Variants in MASTL observed in about 807,000 individuals in gnomAD.
The protein encoded by MASTL is microtubule associated serine/threonine kinase like.
Under a neutral mutation model 82.5 loss-of-function variants are expected in MASTL, and 54 were observed. The ratio of observed to expected loss-of-function variants is 0.65; its 90% CI spans 0.53 to 0.82. The LOEUF is 0.82. MASTL is among the 40% of genes least tolerant of loss of function. MASTL has a pLI of 0.00. For missense variants in MASTL, 950 were observed against 1,047.8 expected, an observed-to-expected ratio of 0.91 and a Z score of 1.29; for synonymous variants, 323 against 368.9, an observed-to-expected ratio of 0.88 and a Z score of 1.43.
chr10:27,157,631 T>TTTTA (rs913262620), intron 1 of MASTL, among the ~76,000 whole-genome samples: 13 of 152,170 alleles, frequency 8.5e-5, no homozygotes, highest in Admixed American at 6.5e-5. Flanking sequence ...CCAACTTTAT[T>TTTTA]TTTATTTATT....
chr10:27,167,938 C>T (rs920736162), intron 7 of MASTL, among the ~76,000 whole-genome samples: 77 of 152,232 alleles, frequency 5.1e-4, no homozygotes, highest in African/African-American at 1.8e-3. Context: ...ACTTAACTTA[C>T]ATATTGTTTT....
intron 6 of MASTL, among the ~76,000 whole-genome samples, chr10:27,166,796 A>G (rs1366013580): frequency 6.6e-6 from 1 of 152,038 alleles, no homozygotes; most frequent in Non-Finnish European, 1.5e-5. Flanking sequence ...CCTTGTTCTT[A>G]TTCTTTACTG....
intron 4 of MASTL, among the ~76,000 whole-genome samples, chr10:27,162,850 C>A (rs185592838): frequency 6.2e-4 from 94 of 152,188 alleles, no homozygotes; most frequent in Non-Finnish European, 1.2e-3. Flanking sequence ...GTTATGAATA[C>A]CTAAAACTTT....
At position 27,171,019 on chromosome 10, in the gene MASTL, A is replaced by G. The variant is rs41282224; in HGVS notation, c.2060A>G (p.Tyr687Cys). The change falls in exon 8 of 12, where the codon TAC becomes TGC. Residue 687 changes from tyrosine to cysteine, a missense_variant. Physicochemically the swap from Tyr to Cys is radical, Grantham distance 194. Transcript: ENST00000375940. ...GATGCAATGGATATTTCGTGTGCCTACAGTGGTTCATATCCCATGGCTATA... is the reference window on the plus strand; with the variant it reads ...GATGCAATGGATATTTCGTGTGCCTGCAGTGGTTCATATCCCATGGCTATA... ...SLDAMDISCA[Y>C]SGSYPMAITP... 1,444 of 1,614,138 alleles carry G rather than the reference A, an allele frequency of 8.9e-4. 2 individuals are homozygous for G. The highest frequency in any genetic ancestry group is 1.5e-3 in the Middle Eastern group (9 of 6,062).
chr10:27,184,304 T>C (rs1185927674), intron 11 of MASTL, among the ~76,000 whole-genome samples: 2 of 152,168 alleles, frequency 1.3e-5, no homozygotes, highest in Admixed American at 1.3e-4. Flanking sequence ...AGAGGGGCAT[T>C]TGAGCAGAAA....
At position 27,165,538 on chromosome 10, in the gene MASTL, A is replaced by G; in HGVS notation, c.810A>G (p.Ser270=). ...CTTATTCTAGCAAATTACTAAAATC[A>G]TGTGAGTATAAAAGAAAAGGTAGGC... ...TTPYSSKLLK[S]CLETVASNPG... Residue 270 remains serine, a splice_region_variant and synonymous_variant, in exon 6 of 12, where the codon TCA becomes TCG. Transcript: ENST00000375940. 3.7e-6 allele frequency: 6 copies of G among 1,614,026 alleles called. No homozygotes were observed. Among genetic ancestry groups the G allele is most frequent in the Non-Finnish European group, 4.2e-6 (5 of 1,179,964 alleles).
At chr10:27,181,697 T>C in intron 11 of MASTL, 116 bp downstream of exon 11, 1 of 712,998 alleles carries the variant, frequency 1.4e-6, no homozygotes, top group South Asian at 1.4e-5. Flanking sequence ...TCCCAGCACT[T>C]TGGGAGGCTG....
intron 4 of MASTL, among the ~76,000 whole-genome samples, chr10:27,162,394 G>A (rs1182319500): frequency 2.6e-5 from 4 of 152,168 alleles, no homozygotes; most frequent in Non-Finnish European, 5.9e-5. Flanking sequence ...CGGGTGCCGT[G>A]GCTCATGCCT....
chr10:27,174,291 G>T (rs1418370643), intron 9 of MASTL, among the ~76,000 whole-genome samples: 1 of 151,884 alleles, frequency 6.6e-6, no homozygotes, highest in Admixed American at 6.6e-5. Context: ...GGAGGCCGAG[G>T]TTGCAGTGAG....
rs755036608 is a variant in MASTL at position 27,187,871 on chromosome 10, A to T, written c.*1335A>T. On this transcript the variant is annotated 3_prime_UTR_variant, in exon 12 of 12. Transcript: ENST00000375940. ...CATCTTATTGTCATTTATTTAAAAC[A>T]TGCAACATTATCAGAAACAGATTGG... Among the ~76,000 whole-genome samples, 4 of 152,228 alleles carry T rather than the reference A, an allele frequency of 2.6e-5. No homozygotes were observed. The highest frequency in any genetic ancestry group is 4.4e-5 in the Non-Finnish European group (3 of 68,034).
intron 2 of MASTL, 121 bp downstream of exon 2, chr10:27,158,807 C>G: frequency 9.4e-7 from 1 of 1,063,976 alleles, no homozygotes; most frequent in South Asian, 1.3e-5. Flanking sequence ...CACTCACTGC[C>G]TTGGCAAATT....
chr10:27,173,443 C>A (rs929059155), intron 9 of MASTL, among the ~76,000 whole-genome samples, 184 bp downstream of exon 9: 3 of 152,144 alleles, frequency 2.0e-5, no homozygotes, highest in African/African-American at 4.8e-5. Flanking sequence ...CTGTCCCACT[C>A]TCTGAATGTA....
At chr10:27,185,132 C>T (rs1304894816) in intron 11 of MASTL, among the ~76,000 whole-genome samples, 1 of 152,052 alleles carries the variant, frequency 6.6e-6, no homozygotes, top group Admixed American at 6.6e-5. Flanking sequence ...GGATGGAGCA[C>T]AGGGAAGAAA....
At position 27,159,035 on chromosome 10, in the gene MASTL, A is replaced by G. The variant is rs1393149996; in HGVS notation, c.324+349A>G. Reference sequence around the variant, plus strand: ...GGGAACATAAGGAGACTCCATCTCTACAAAAAAATTAAAGTAAAAATTAGC... The same window carrying G: ...GGGAACATAAGGAGACTCCATCTCTGCAAAAAAATTAAAGTAAAAATTAGC... On this transcript the variant is annotated intron_variant, in intron 2 of 11. Coordinates refer to ENST00000375940, the MANE Select transcript of MASTL (RefSeq NM_001172303.3). This position sits in a 1 kb window ranked among gnomAD's most constrained non-coding sequence, Gnocchi z 4.0. Among the ~76,000 whole-genome samples the G allele has an allele frequency of 6.6e-6, 1 of 152,230 alleles. No homozygotes were observed. Among genetic ancestry groups the G allele is most frequent in the Non-Finnish European group, 1.5e-5 (1 of 68,042 alleles).
chr10:27,155,193 T>A (rs914952163), upstream of MASTL: 5 of 571,256 alleles, frequency 8.8e-6, no homozygotes, highest in Non-Finnish European at 1.6e-5. Context: ...TGAGGAATGA[T>A]GTCAGTGGGG....
chr10:27,160,791 ATT>A (rs1252691217), intron 3 of MASTL, among the ~76,000 whole-genome samples: 2 of 152,086 alleles, frequency 1.3e-5, no homozygotes, highest in Admixed American at 1.3e-4. Context: ...GTAAATGTAA[ATT>A]TGAACTGGCT....
intron 9 of MASTL, among the ~76,000 whole-genome samples, chr10:27,177,544 G>A (rs7091128): frequency 0.6 from 91,774 of 151,998 alleles, 28,011 homozygotes; most frequent in Non-Finnish European, 0.65. Flanking sequence ...CCTCTCAGCC[G>A]AGATGAGCCA....
Position 27,181,569 on chromosome 10 carries a change from G to C in MASTL, c.2470G>C (p.Ala824Pro). The C allele has an allele frequency of 6.2e-7, 1 of 1,606,362 alleles. No individual in the cohort carries two copies. Among genetic ancestry groups the C allele is most frequent in the Non-Finnish European group, 8.5e-7 (1 of 1,173,392 alleles). ...TTTAACCATTGATGATACAAAGAGA[G>C]CTGGAATGAAAGGTATGGTTTTGTG... ...ILLTIDDTKR[A>P]GMKELKRHPL... The change falls in exon 11 of 12, where the codon GCT becomes CCT. Residue 824 changes from alanine to proline, a missense_variant. Physicochemically the swap from Ala to Pro is conservative, Grantham distance 27. Coordinates refer to ENST00000375940, the MANE Select transcript of MASTL (RefSeq NM_001172303.3).
At chr10:27,173,298 A>G (rs746359054) in intron 9 of MASTL, 39 bp downstream of exon 9, 1 of 1,612,606 alleles carries the variant, frequency 6.2e-7, no homozygotes, top group Admixed American at 1.7e-5. Flanking sequence ...AGTGTTATCT[A>G]TCACTACATT....
Sources: gnomAD v4.1 joint callset for allele counts (sites outside exome capture counted in the v4.1 genomes callset) on GRCh38, gnomAD v4.1.1 for gene constraint, Gnocchi (gnomAD v3.1) non-coding constraint, MANE v1.5 for transcripts, NCBI Gene and HGNC (gene_info 2026-07-23, HGNC 2026-07-21) for gene names.